The following PDE10A variants were observed in gnomAD, a reference collection of about 807,000 sequenced individuals.
The protein encoded by PDE10A is phosphodiesterase 10A, also known as cAMP and cAMP-inhibited cGMP 3',5'-cyclic phosphodiesterase 10A.
A neutral mutation model predicts 97.7 loss-of-function variants in PDE10A; 39 were observed. The ratio of observed to expected loss-of-function variants is 0.40; its 90% CI spans 0.31 to 0.52. The LOEUF (loss-of-function observed/expected upper bound fraction) is 0.52, where lower values mean the gene tolerates loss of function less well. Ranked by LOEUF, PDE10A falls within the 20% of genes least tolerant of loss-of-function variation. The pLI is 0.56. For missense variants in PDE10A, 731 were observed against 1,047.8 expected (o/e 0.70, Z 4.17); for synonymous variants, 371 against 376.8 (o/e 0.98, Z 0.18).
At chr6:165,733,101 A>G (rs1325841741) in intron 1 of PDE10A, among the ~76,000 whole-genome samples, 3 of 152,316 alleles carry the variant, frequency 2.0e-5, no homozygotes, top group African/African-American at 4.8e-5. Flanking sequence ...TACATACCCA[A>G]TGCATTTCCA....
At chr6:165,457,978 A>C (rs1778061094) in intron 3 of PDE10A, among the ~76,000 whole-genome samples, 1 of 152,208 alleles carries the variant, frequency 6.6e-6, no homozygotes. Flanking sequence ...GGTGGCACCA[A>C]CATATCCAGA....
chr6:165,648,719 G>A (rs749194106), intron 1 of PDE10A, among the ~76,000 whole-genome samples: 3 of 152,152 alleles, frequency 2.0e-5, no homozygotes, highest in Non-Finnish European at 2.9e-5. Flanking sequence ...ATTTCCTAAC[G>A]ATGGCCCTCA....
At chr6:165,494,323 T>C (rs1780397378) in intron 2 of PDE10A, among the ~76,000 whole-genome samples, 1 of 151,962 alleles carries the variant, frequency 6.6e-6, no homozygotes, top group Non-Finnish European at 1.5e-5. Context: ...CCTGGGTATT[T>C]ACCCAGAAGA....
At chr6:165,475,736 A>G (rs1035032659) in intron 3 of PDE10A, among the ~76,000 whole-genome samples, 6 of 152,248 alleles carry the variant, frequency 3.9e-5, no homozygotes, top group African/African-American at 1.2e-4. Context: ...AAACTTCATG[A>G]TTCACTAACT....
At chr6:165,894,456 T>C (rs1385992025) in intron 1 of PDE10A, 2 of 455,796 alleles carry the variant, frequency 4.4e-6, no homozygotes, top group Admixed American at 2.4e-5. Context: ...AAAAAATCAA[T>C]TGAACAAGTG....
intron 1 of PDE10A, among the ~76,000 whole-genome samples, chr6:165,902,173 G>A (rs552632231): frequency 6.6e-6 from 1 of 152,292 alleles, no homozygotes; most frequent in Admixed American, 6.5e-5. Context: ...CAAGCTCATG[G>A]TCTTCTCGGA....
chr6:165,363,015 A>C (rs1470180377), intron 18 of PDE10A, among the ~76,000 whole-genome samples: 1 of 147,728 alleles, frequency 6.8e-6, no homozygotes, highest in Non-Finnish European at 1.5e-5. Context: ...TCCAACACCC[A>C]TTCACAATAA....
At position 165,755,519 on chromosome 6, in the gene PDE10A, C is replaced by T. The variant is rs113063852; in HGVS notation, c.-614-211951G>A. Among the ~76,000 whole-genome samples, 881 of 152,228 alleles carry T rather than the reference C, an allele frequency of 5.8e-3. 12 individuals carry two copies. Among genetic ancestry groups the T allele is most frequent in the African/African-American group, 0.02 (842 of 41,536 alleles). On this transcript the variant is annotated intron_variant, in intron 1 of 19. Coordinates refer to the PDE10A transcript ENST00000366882. ...TAGAATCACTCTTTTCCTTAAAATA[C>T]GGCACAAAATTCTAGTCTTTATTAT...
At chr6:165,776,700 C>G (rs9348043) in intron 1 of PDE10A, among the ~76,000 whole-genome samples, 1 of 152,312 alleles carries the variant, frequency 6.6e-6, no homozygotes, top group East Asian at 1.9e-4. Context: ...TCTTTCCATC[C>G]CTCCTGGGCA....
At chr6:165,642,058 A>T (rs1026754304) in intron 1 of PDE10A, among the ~76,000 whole-genome samples, 4 of 151,990 alleles carry the variant, frequency 2.6e-5, no homozygotes, top group Non-Finnish European at 5.9e-5. Flanking sequence ...CGGGGGTGTA[A>T]CTTACTGCTT....
At chr6:165,465,239 T>A (rs73788402) in intron 3 of PDE10A, among the ~76,000 whole-genome samples, 4,238 of 152,212 alleles carry the variant, frequency 0.028, 201 homozygotes, top group African/African-American at 0.094. Flanking sequence ...TAATGACCCA[T>A]GAAGGAAATC....
At chr6:165,639,113 CAGGA>C (rs60054467) in intron 1 of PDE10A, among the ~76,000 whole-genome samples, 49,018 of 151,090 alleles carry the variant, frequency 0.32, 8,937 homozygotes, top group East Asian at 0.64. Context: ...AGGCAGGCGG[CAGGA>C]AGGAAGGAAG....
chr6:165,365,887 C>CA (rs1323568225), intron 18 of PDE10A, among the ~76,000 whole-genome samples: 2 of 151,734 alleles, frequency 1.3e-5, no homozygotes, highest in African/African-American at 4.8e-5. Context: ...TTATAATGTA[C>CA]AAAAAAGACA....
At chr6:165,460,396 T>C (rs926409157) in intron 3 of PDE10A, among the ~76,000 whole-genome samples, 4 of 152,126 alleles carry the variant, frequency 2.6e-5, no homozygotes, top group Non-Finnish European at 5.9e-5. Context: ...TTGTGCCATA[T>C]GTGGGAATGG....
chr6:165,708,427 TCTC>T (rs1293754164), intron 1 of PDE10A, among the ~76,000 whole-genome samples: 2 of 151,908 alleles, frequency 1.3e-5, no homozygotes, highest in East Asian at 3.9e-4. Flanking sequence ...TGCATCTTCA[TCTC>T]CTGTCAGTGC....
At chr6:165,680,481 T>A (rs1790944710) in intron 1 of PDE10A, among the ~76,000 whole-genome samples, 1 of 152,152 alleles carries the variant, frequency 6.6e-6, no homozygotes, top group Non-Finnish European at 1.5e-5. Flanking sequence ...ATAAATGGAG[T>A]CTTGTTTATA....
chr6:165,751,715 C>T (rs1457950649), intron 1 of PDE10A, among the ~76,000 whole-genome samples: 3 of 152,188 alleles, frequency 2.0e-5, no homozygotes, highest in Non-Finnish European at 2.9e-5. Flanking sequence ...ATAAGACAGT[C>T]CCAGCAGCGC....
chr6:165,860,368 G>A (rs368017779), intron 1 of PDE10A, among the ~76,000 whole-genome samples: 6 of 152,274 alleles, frequency 3.9e-5, no homozygotes, highest in Middle Eastern at 3.4e-3. Flanking sequence ...CAGGAGAATC[G>A]CTGAACCCGG....
intron 10 of PDE10A, among the ~76,000 whole-genome samples, chr6:165,420,868 TTTTTTCCAGTTG>T (rs1216107394): frequency 9.9e-5 from 15 of 152,160 alleles, no homozygotes; most frequent in Admixed American, 9.8e-4. Context: ...AAAAGAACAA[TTTTTTCCAGTTG>T]TTTTTACAAT....
Sources: allele counts gnomAD v4.1 joint callset (sites outside exome capture counted in the v4.1 genomes callset), GRCh38; gene constraint gnomAD v4.1.1; transcripts MANE v1.5; gene names NCBI Gene and HGNC (gene_info 2026-07-23, HGNC 2026-07-21).